MAGI1: variants seen among roughly 807,000 people sequenced by gnomAD.
MAGI1 encodes membrane associated guanylate kinase, WW and PDZ domain containing 1.
In MAGI1, 58 loss-of-function variants were observed where a neutral mutation model predicts 139.9. The observed-to-expected ratio is 0.41, with a 90% CI of 0.34 to 0.52. The LOEUF is 0.52. Ranked by LOEUF, MAGI1 falls within the 20% of genes least tolerant of loss-of-function variation. The pLI is 0.12. For missense variants in MAGI1, 1,874 were observed against 1,901.6 expected (o/e 0.99, Z 0.27); for synonymous variants, 812 against 737.9 (o/e 1.10, Z -1.63).
At chr3:65,824,731 G>A (rs940276812) in intron 1 of MAGI1, among the ~76,000 whole-genome samples, 2 of 152,068 alleles carry the variant, frequency 1.3e-5, no homozygotes, top group Non-Finnish European at 2.9e-5. Flanking sequence ...AGAGCTTGGG[G>A]GTTTTACCCA....
chr3:65,967,710 G>T (rs1250875793), intron 1 of MAGI1, among the ~76,000 whole-genome samples: 5 of 152,150 alleles, frequency 3.3e-5, no homozygotes, highest in African/African-American at 4.8e-5. Flanking sequence ...CAAAGACAAA[G>T]AATGCAGTGG....
At chr3:65,891,907 T>C (rs1451961714) in intron 1 of MAGI1, among the ~76,000 whole-genome samples, 2 of 74,332 alleles carry the variant, frequency 2.7e-5, no homozygotes, top group African/African-American at 1.2e-4. Flanking sequence ...TATATATATA[T>C]ATATATATAT....
intron 1 of MAGI1, among the ~76,000 whole-genome samples, chr3:65,689,473 A>G (rs1009092084): frequency 1.3e-5 from 2 of 152,202 alleles, no homozygotes; most frequent in African/African-American, 4.8e-5. Flanking sequence ...GACCCAAAGT[A>G]AATAAAAATA....
At chr3:65,595,825 TAGGGTGGGG>T (rs1193296605) in intron 2 of MAGI1, among the ~76,000 whole-genome samples, 2 of 16,428 alleles carry the variant, frequency 1.2e-4, no homozygotes, top group African/African-American at 4.6e-4. Context: ...GTAGGGTGGG[TAGGGTGGGG>T]GTGGGGAGTT....
At chr3:65,742,187 A>G (rs1240933756) in intron 1 of MAGI1, among the ~76,000 whole-genome samples, 3 of 152,224 alleles carry the variant, frequency 2.0e-5, no homozygotes, top group Non-Finnish European at 4.4e-5. Flanking sequence ...GTTGCATATC[A>G]ATAACAAAAA....
intron 1 of MAGI1, among the ~76,000 whole-genome samples, chr3:65,827,726 A>C (rs1239592917): frequency 2.0e-5 from 3 of 152,212 alleles, no homozygotes; most frequent in Non-Finnish European, 4.4e-5. Flanking sequence ...AACTTTTGGC[A>C]TGGAAGAAGC....
At chr3:65,458,917 G>A (rs529840367) in intron 5 of MAGI1, among the ~76,000 whole-genome samples, 5 of 152,174 alleles carry the variant, frequency 3.3e-5, no homozygotes, top group Non-Finnish European at 5.9e-5. Flanking sequence ...GTTTTGTTTC[G>A]GTAGTTTCAT....
chr3:65,731,588 G>A (rs546927668), intron 1 of MAGI1, among the ~76,000 whole-genome samples: 1 of 151,074 alleles, frequency 6.6e-6, no homozygotes, highest in South Asian at 2.1e-4. Context: ...CTGGGAAGTC[G>A]AGGCTGCAGT....
At chr3:65,611,865 C>T (rs1163986656) in intron 2 of MAGI1, among the ~76,000 whole-genome samples, 1 of 151,712 alleles carries the variant, frequency 6.6e-6, no homozygotes, top group Non-Finnish European at 1.5e-5. Flanking sequence ...AGCCACTTAA[C>T]TTTATTAGCC....
chr3:65,493,482 G>C, intron 3 of MAGI1, 30 bp downstream of exon 3: 1 of 1,613,968 alleles, frequency 6.2e-7, no homozygotes, highest in Admixed American at 1.7e-5. Context: ...CAGGAGAGAA[G>C]CTTTTTATGC....
At chr3:65,560,413 A>G (rs1438412385) in intron 2 of MAGI1, among the ~76,000 whole-genome samples, 1 of 152,180 alleles carries the variant, frequency 6.6e-6, no homozygotes, top group Non-Finnish European at 1.5e-5. Flanking sequence ...CCATAAATAC[A>G]TATACCTACT....
intron 1 of MAGI1, among the ~76,000 whole-genome samples, chr3:65,860,061 A>G (rs1575739083): frequency 6.6e-6 from 1 of 151,728 alleles, no homozygotes; most frequent in East Asian, 2.0e-4. Context: ...ATGCCTGGCT[A>G]ATTTTGTATT....
rs753009484 is a variant in MAGI1, at chr3:65,470,441, T to G, written c.801A>C (p.Ala267=). 6.2e-7 allele frequency: 1 copy of G among 1,613,520 alleles called. No individual in the cohort carries two copies. The highest frequency in any genetic ancestry group is 1.1e-5 in the South Asian group (1 of 91,048). Reference sequence around the variant, plus strand: ...TGATGCTACTATTCACAGGTGGTAATGCTGTTTCTTGGAGAGTGTGCTCCT... The same window carrying G: ...TGATGCTACTATTCACAGGTGGTAAGGCTGTTTCTTGGAGAGTGTGCTCCT... The part of the protein sequence containing the change: ...EQEEHTLQET[A]LPPVNSSIIA... Residue 267 remains alanine (A), a synonymous_variant, in exon 5 of 23, where the codon GCA becomes GCC. Coordinates refer to ENST00000402939, the MANE Select transcript of MAGI1 (RefSeq NM_001033057.2).
At chr3:65,570,529 T>G (rs1157303836) in intron 2 of MAGI1, among the ~76,000 whole-genome samples, 1 of 152,148 alleles carries the variant, frequency 6.6e-6, no homozygotes. Flanking sequence ...TGTCAAATAT[T>G]AGGAATGCCA....
intron 1 of MAGI1, among the ~76,000 whole-genome samples, chr3:65,913,619 T>C (rs2061765766): frequency 6.6e-6 from 1 of 152,206 alleles, no homozygotes; most frequent in Admixed American, 6.5e-5. Context: ...TTAAACACAG[T>C]ACTGCTTGGA....
intron 1 of MAGI1, among the ~76,000 whole-genome samples, chr3:65,930,661 G>C (rs1008422576): frequency 6.6e-6 from 1 of 152,170 alleles, no homozygotes; most frequent in African/African-American, 2.4e-5. Flanking sequence ...AGGTCACAAA[G>C]ACCTTGCTGA....
chr3:65,668,267 G>A (rs1202129605), intron 1 of MAGI1, among the ~76,000 whole-genome samples: 1 of 152,126 alleles, frequency 6.6e-6, no homozygotes, highest in Admixed American at 6.5e-5. Context: ...ATAGTACCTG[G>A]CACACAAGTG....
At chr3:65,401,802 G>C in intron 12 of MAGI1, 1 of 1,329,820 alleles carries the variant, frequency 7.5e-7, no homozygotes. Flanking sequence ...TGGATTAAGA[G>C]AGACTTAACT....
At chr3:65,411,951 G>C (rs1212965481) in intron 12 of MAGI1, among the ~76,000 whole-genome samples, 1 of 152,128 alleles carries the variant, frequency 6.6e-6, no homozygotes. Context: ...CATGAGTCCA[G>C]AAACTGGTCT....
Sources: allele counts gnomAD v4.1 joint callset (sites outside exome capture counted in the v4.1 genomes callset), GRCh38; gene constraint gnomAD v4.1.1; transcripts MANE v1.5; gene names NCBI Gene and HGNC (gene_info 2026-07-23, HGNC 2026-07-21).